SEC23IP: variants seen among roughly 807,000 people sequenced by gnomAD.
SEC23IP encodes the protein SEC23 interacting protein, also known as SEC23-interacting protein.
In SEC23IP, 70 loss-of-function variants were observed where a neutral mutation model predicts 113.4. The observed-to-expected ratio is 0.62, with a 90% CI of 0.51 to 0.75. The LOEUF (loss-of-function observed/expected upper bound fraction) is 0.75, where lower values mean the gene tolerates loss of function less well. Among genes scored for constraint, SEC23IP ranks in the 30% least tolerant of loss-of-function variants. The probability of loss-of-function intolerance (pLI) is 0.00; values close to 1 mark genes in which losing one functional copy is unlikely to be tolerated. For missense variants in SEC23IP, 1,160 were observed against 1,204.9 expected, an observed-to-expected ratio of 0.96 and a Z score of 0.55; for synonymous variants, 398 against 421.0, an observed-to-expected ratio of 0.95 and a Z score of 0.67.
chr10:119,912,169 G>A lies in SEC23IP; in HGVS notation c.1312+5G>A. ...ACCTTGATGAAATTCCCGACGGTGTGTATAGTTTGTTTAGAACTGAGGTCT... is the reference window on the plus strand; with the variant it reads ...ACCTTGATGAAATTCCCGACGGTGTATATAGTTTGTTTAGAACTGAGGTCT... On this transcript the variant is annotated splice_donor_5th_base_variant and intron_variant, in intron 6 of 18. Transcript: ENST00000369075. The A allele has an allele frequency of 6.2e-7, 1 of 1,613,820 alleles. No individual in the cohort carries two copies. Among genetic ancestry groups the A allele is most frequent in the Non-Finnish European group, 8.5e-7 (1 of 1,179,802 alleles).
rs752821416 is a variant in SEC23IP at position 119,933,657 on chromosome 10, T to A, written c.2922-29T>A. 6 of 1,236,102 alleles carry A rather than the reference T, an allele frequency of 4.9e-6. No homozygotes were observed. In the Admixed American group the frequency reaches 1.0e-4, roughly 21 times the overall value. 76.6% of individuals were successfully genotyped at this position (1,236,102 alleles called of 1,614,324 possible). On this transcript the variant is annotated intron_variant, in intron 17 of 18. Coordinates refer to ENST00000369075, the MANE Select transcript of SEC23IP (RefSeq NM_007190.4). The stretch of plus-strand genomic sequence containing the variant: ...GAAGTTAATTTCTTCTAATTGTCTC[T>A]TAAGTAAATATGCTTTTCCTTTTCA...
Position 119,932,392 on chromosome 10 carries a change from A to T in SEC23IP, c.2758+74A>T, listed in dbSNP as rs1167333925. 5.2e-6 allele frequency: 6 copies of T among 1,145,992 alleles called. No individual in the cohort carries two copies. In the Admixed American group the frequency reaches 1.4e-4, roughly 28 times the overall value. 71.0% of individuals were successfully genotyped at this position (1,145,992 alleles called of 1,614,324 possible). ...CATAATACTTAAAAGTTATATGATG[A>T]TGCATTTCCTTTCTAGACTTTTTGG... On this transcript the variant is annotated intron_variant, in intron 16 of 18. Transcript: ENST00000369075.
intron 12 of SEC23IP, 100 bp from the exon 13 acceptor site, chr10:119,925,936 A>T (rs6585564): frequency 0.57 from 526,528 of 917,634 alleles, 153,499 homozygotes; most frequent in East Asian, 0.83. Context: ...CCTAAGAAGT[A>T]GCTAATCATT....
chr10:119,905,167 C>A (rs367960243), intron 4 of SEC23IP, among the ~76,000 whole-genome samples: 1 of 151,210 alleles, frequency 6.6e-6, no homozygotes, highest in Non-Finnish European at 1.5e-5. Context: ...TGTATATGTG[C>A]ATATATGTGT....
rs556389897 is a variant in SEC23IP, at chr10:119,909,342, C to T, written c.1191+212C>T. 5.3e-5 allele frequency among the ~76,000 whole-genome samples: 8 copies of T among 152,218 alleles called. No individual in the cohort carries two copies. In the East Asian group the frequency reaches 1.3e-3, roughly 26 times the overall value. On this transcript the variant is annotated intron_variant, in intron 5 of 18. Coordinates refer to ENST00000369075, the MANE Select transcript of SEC23IP (RefSeq NM_007190.4). ...CATAGAAACAAAAACACAAATTTTTCGTAGGGCGAGGTGCACACCTGTGAG... is the reference window on the plus strand; with the variant it reads ...CATAGAAACAAAAACACAAATTTTTTGTAGGGCGAGGTGCACACCTGTGAG...
Position 119,932,221 on chromosome 10 carries a change from G to A in SEC23IP, c.2661G>A (p.Glu887=), listed in dbSNP as rs1011113991. Residue 887 remains glutamate (E), a synonymous_variant, in exon 16 of 19, where the codon GAG becomes GAA. Transcript: ENST00000369075. ...SLKSAWQTLN[E]FARAHTSSTQ... ...AAAGTGCTTGGCAGACATTAAATGAGTTTGCCCGTGCTCATACGTCTTCAA... is the reference window on the plus strand; with the variant it reads ...AAAGTGCTTGGCAGACATTAAATGAATTTGCCCGTGCTCATACGTCTTCAA... The A allele has an allele frequency of 2.5e-6, 4 of 1,613,476 alleles. No homozygotes were observed. In the Admixed American group the frequency reaches 6.7e-5, roughly 27 times the overall value.
chr10:119,898,014 T>A (rs200856984), intron 1 of SEC23IP, among the ~76,000 whole-genome samples: 112 of 132,068 alleles, frequency 8.5e-4, no homozygotes, highest in Middle Eastern at 3.8e-3. Flanking sequence ...CAAAAAAAAA[T>A]AAAAAAAAAA....
chr10:119,938,169 C>T (rs890052829), intron 18 of SEC23IP, among the ~76,000 whole-genome samples: 4 of 151,144 alleles, frequency 2.6e-5, no homozygotes, highest in Non-Finnish European at 4.4e-5. Flanking sequence ...GTTGCCTTAA[C>T]GGAAGTTGAG....
rs35075710 is a variant in SEC23IP at position 119,936,543 on chromosome 10, CAAA to C, written c.*20+2775_*20+2777del. ...TGGGCAACAGCATGCGATTCCGTCT[CAAA>C]AAAAAAAAAAAAAAAAAAGCTTTTT... On this transcript the variant is annotated intron_variant, in intron 18 of 18. Coordinates refer to ENST00000369075, the MANE Select transcript of SEC23IP (RefSeq NM_007190.4). 2.2e-3 allele frequency among the ~76,000 whole-genome samples: 168 copies of C among 76,818 alleles called. 1 individual carries two copies. Among genetic ancestry groups the C allele is most frequent in the South Asian group, 0.013 (27 of 2,116 alleles). The allele number at this position is 76,818 out of a possible 152,430, so 50.4% of individuals were successfully genotyped here.
At chr10:119,909,780 A>G (rs946495564) in intron 5 of SEC23IP, among the ~76,000 whole-genome samples, 2 of 151,586 alleles carry the variant, frequency 1.3e-5, no homozygotes, top group Non-Finnish European at 2.9e-5. Context: ...CTGTCTAGCT[A>G]CTCGGGAGGC....
In SEC23IP at chr10:119,922,615, G is replaced by GTCT. The variant is rs1295754076; in HGVS notation, c.2121+1632_2121+1633insCTT. Among the ~76,000 whole-genome samples, 23 of 152,296 alleles carry GTCT rather than the reference G, an allele frequency of 1.5e-4. No individual in the cohort carries two copies. The East Asian group carries it at 4.4e-3, about 29-fold the overall frequency. ...ATCTTACATAGTAGTAATTGTAATT[G>GTCT]TACAGTGACTGAAAGAGAGATGATA... On this transcript the variant is annotated intron_variant, in intron 12 of 18. Transcript: ENST00000369075.
rs745330224 is a variant in SEC23IP, at chr10:119,892,766, G to A, written c.-17G>A. Reference sequence around the variant, plus strand: ...ACCGGGTACCCGGAGACGTGTATCGGACGGTGGGCCGCAGCCATGGCCGAG... The same window carrying A: ...ACCGGGTACCCGGAGACGTGTATCGAACGGTGGGCCGCAGCCATGGCCGAG... On this transcript the variant is annotated 5_prime_UTR_variant, in exon 1 of 19. Coordinates refer to ENST00000369075, the MANE Select transcript of SEC23IP (RefSeq NM_007190.4). 1 of 1,597,340 alleles carries A rather than the reference G, an allele frequency of 6.3e-7. No homozygotes were observed. Among genetic ancestry groups the A allele is most frequent in the South Asian group, 1.1e-5 (1 of 88,882 alleles).
chr10:119,920,471 C>T (rs1477238068), intron 11 of SEC23IP, among the ~76,000 whole-genome samples: 1 of 152,158 alleles, frequency 6.6e-6, no homozygotes, highest in Non-Finnish European at 1.5e-5. Flanking sequence ...ATGAAGAGAG[C>T]AGAGTTCATT....
chr10:119,923,144 T>G (rs1001745029), intron 12 of SEC23IP, among the ~76,000 whole-genome samples: 5 of 152,158 alleles, frequency 3.3e-5, no homozygotes, highest in Non-Finnish European at 5.9e-5. Flanking sequence ...GGAGACTGGT[T>G]TATGGACTGC....
At position 119,920,987 on chromosome 10, in the gene SEC23IP, A is replaced by G; in HGVS notation, c.2121+3A>G. The G allele has an allele frequency of 2.5e-6, 4 of 1,604,492 alleles. No homozygotes were observed. The highest frequency in any genetic ancestry group is 3.4e-6 in the Non-Finnish European group (4 of 1,171,456). On this transcript the variant is annotated splice_donor_region_variant and intron_variant, in intron 12 of 18. Coordinates refer to ENST00000369075, the MANE Select transcript of SEC23IP (RefSeq NM_007190.4). ...TAGAACATAAAGCAGCCAAACTGGT[A>G]AAGTTCACCTCTGACTCAAGAAAAA... is the stretch of plus-strand genomic sequence containing the variant.
At chr10:119,903,340 C>T (rs1854559368) in intron 3 of SEC23IP, among the ~76,000 whole-genome samples, 1 of 152,184 alleles carries the variant, frequency 6.6e-6, no homozygotes, top group Non-Finnish European at 1.5e-5. Context: ...AACTCTCTAT[C>T]CTGGAGATGC....
At chr10:119,896,436 G>A (rs2134447819) in intron 1 of SEC23IP, among the ~76,000 whole-genome samples, 1 of 152,350 alleles carries the variant, frequency 6.6e-6, no homozygotes, top group East Asian at 1.9e-4. Flanking sequence ...AGGGAGCATG[G>A]AGGTGGGTAG....
At chr10:119,927,090 G>A (rs1352884668) in intron 13 of SEC23IP, among the ~76,000 whole-genome samples, 1 of 152,160 alleles carries the variant, frequency 6.6e-6, no homozygotes, top group Non-Finnish European at 1.5e-5. Flanking sequence ...TGTAGAGACA[G>A]TCTTGCTGTG....
Position 119,926,177 on chromosome 10 carries a change from G to C in SEC23IP, c.2263G>C (p.Val755Leu), listed in dbSNP as rs118110471. The change falls in exon 13 of 19, where the codon GTG (valine) becomes CTG (leucine). Residue 755 changes from valine to leucine, a missense_variant. Coordinates refer to ENST00000369075, the MANE Select transcript of SEC23IP (RefSeq NM_007190.4). ...PKRKLPVGAC[V>L]SSVCVNYESF... ...GAGGAAACTTCCAGTTGGTGCTTGC[G>C]TGTCTTCTGTGTGTGTGAATTATGA... 1.2e-6 allele frequency: 2 copies of C among 1,614,012 alleles called. No individual in the cohort carries two copies. The highest frequency in any genetic ancestry group is 1.7e-5 in the Admixed American group (1 of 59,990).
Sources: allele counts gnomAD v4.1 joint callset (sites outside exome capture counted in the v4.1 genomes callset), GRCh38; gene constraint gnomAD v4.1.1; transcripts MANE v1.5; gene names NCBI Gene and HGNC (gene_info 2026-07-23, HGNC 2026-07-21).